The following PARP11 variants were observed in gnomAD, a reference collection of about 807,000 sequenced individuals.
PARP11 encodes the protein protein mono-ADP-ribosyltransferase PARP11.
Under a neutral mutation model 42.9 loss-of-function variants are expected in PARP11, and 31 were observed. That is an observed-to-expected ratio of 0.72 (90% confidence interval 0.54 to 0.98). PARP11 has a LOEUF of 0.98. Ranked by LOEUF, PARP11 falls within the 50% of genes least tolerant of loss-of-function variation. The pLI is 0.00. For missense variants in PARP11, 365 were observed against 413.1 expected (o/e 0.88, Z 1.01); for synonymous variants, 137 against 127.3 (o/e 1.08, Z -0.51).
chr12:3,850,804 T>C (rs886360259), intron 1 of PARP11, among the ~76,000 whole-genome samples: 2 of 152,330 alleles, frequency 1.3e-5, no homozygotes. Context: ...TGGACAGCAA[T>C]GTTAAGTCTG....
intron 1 of PARP11, among the ~76,000 whole-genome samples, chr12:3,867,975 A>T (rs891948394): frequency 1.3e-5 from 2 of 152,230 alleles, no homozygotes; most frequent in Non-Finnish European, 2.9e-5. Context: ...GCCAGCAAAC[A>T]CAAGTTGCAA....
intron 1 of PARP11, chr12:3,872,732 G>A: frequency 2.6e-5 from 26 of 985,298 alleles, no homozygotes; most frequent in Non-Finnish European, 3.1e-5. Flanking sequence ...AGGTAAACCT[G>A]AGGCAAATGA....
intron 7 of PARP11, 70 bp from the exon 8 acceptor site, chr12:3,812,509 T>G: frequency 6.1e-6 from 7 of 1,138,524 alleles, no homozygotes; most frequent in Non-Finnish European, 8.8e-6. Context: ...CAAAAACATT[T>G]TGTCAGGAGA....
chr12:3,837,795 G>A (rs1450415451), intron 1 of PARP11, among the ~76,000 whole-genome samples: 1 of 151,944 alleles, frequency 6.6e-6, no homozygotes, highest in Non-Finnish European at 1.5e-5. Flanking sequence ...GAAGAGCAAA[G>A]AGTAGCTATA....
In PARP11 at chr12:3,873,313, G is replaced by T. The variant is rs1948529723; in HGVS notation, c.-84C>A. On this transcript the variant is annotated 5_prime_UTR_variant, in exon 1 of 8. Transcript: ENST00000228820. ...GTGTTGGATTTTTTTTTTTCCCGCG[G>T]GTCCCCGGGAGCGAAGGGACGGAGA... 5.9e-6 allele frequency: 8 copies of T among 1,350,092 alleles called. No individual in the cohort carries two copies. The highest frequency in any genetic ancestry group is 1.3e-5 in the South Asian group (1 of 79,770). The allele number at this position is 1,350,092 out of a possible 1,614,324, so 83.6% of individuals were successfully genotyped here.
Position 3,840,088 on chromosome 12 carries a change from A to G in PARP11, c.19-10070T>C, listed in dbSNP as rs1475018363. 8.7e-6 allele frequency: 14 copies of G among 1,609,362 alleles called. No individual in the cohort carries two copies. Among genetic ancestry groups the G allele is most frequent in the Non-Finnish European group, 1.2e-5 (14 of 1,175,614 alleles). On this transcript the variant is annotated intron_variant, in intron 1 of 7. Coordinates refer to ENST00000228820, the MANE Select transcript of PARP11 (RefSeq NM_020367.6). This position sits in a 1 kb window ranked among gnomAD's most constrained non-coding sequence, Gnocchi z 4.4. ...AGTCTATAGAAATGTGGAATATGAA[A>G]TTTGGCTGGAGTCTAAACAAGCTCA...
At chr12:3,867,187 A>G (rs1948408373) in intron 1 of PARP11, among the ~76,000 whole-genome samples, 1 of 152,238 alleles carries the variant, frequency 6.6e-6, no homozygotes, top group African/African-American at 2.4e-5. Flanking sequence ...CTGTTATGTT[A>G]CTAAAAGATT....
chr12:3,854,125 C>G (rs533829107), intron 1 of PARP11, among the ~76,000 whole-genome samples: 1 of 152,280 alleles, frequency 6.6e-6, no homozygotes, highest in African/African-American at 2.4e-5. Context: ...CTCTGGGACA[C>G]ATTTAAAGTA....
chr12:3,828,331 G>A lies in PARP11; in HGVS notation c.268+579C>T, dbSNP rs545934276. Among the ~76,000 whole-genome samples, 69 of 152,104 alleles carry A rather than the reference G, an allele frequency of 4.5e-4. 1 individual carries two copies. The highest frequency in any genetic ancestry group is 9.0e-4 in the Non-Finnish European group (61 of 68,014). ...TGGGAGGTGGAGGCGGGTGGATCAG[G>A]AGGTCAGGAGTTCAAGACCAGCCTT... is the stretch of plus-strand genomic sequence containing the variant. On this transcript the variant is annotated intron_variant, in intron 3 of 7. Transcript: ENST00000228820.
At chr12:3,872,488 C>T (rs1402350733) in intron 1 of PARP11, 6 of 983,608 alleles carry the variant, frequency 6.1e-6, no homozygotes, top group Middle Eastern at 5.2e-4. Context: ...TAGACAAAGA[C>T]ACATGAAGTC....
intron 1 of PARP11, among the ~76,000 whole-genome samples, chr12:3,850,550 AG>A (rs1948079213): frequency 6.6e-6 from 1 of 152,202 alleles, no homozygotes; most frequent in South Asian, 2.1e-4. Context: ...ATGTCCACAA[AG>A]GGTAATAAAA....
At chr12:3,839,391 G>A in intron 1 of PARP11, 1 of 1,562,308 alleles carries the variant, frequency 6.4e-7, no homozygotes, top group South Asian at 1.2e-5. Context: ...CCTATCTGCG[G>A]AAACTGGGCT....
intron 6 of PARP11, among the ~76,000 whole-genome samples, chr12:3,818,636 A>T (rs563063167): frequency 3.3e-5 from 5 of 152,368 alleles, no homozygotes; most frequent in African/African-American, 9.6e-5. Context: ...CTTCTTGAAA[A>T]AGTTGTCAAC....
At chr12:3,830,100 CA>C in intron 1 of PARP11, 82 bp from the exon 2 acceptor site, 1 of 1,293,232 alleles carries the variant, frequency 7.7e-7, no homozygotes, top group Middle Eastern at 2.2e-4. Context: ...TACTTCTTTA[CA>C]AAGAGTGGTA....
At chr12:3,841,987 C>A (rs1034420468) in intron 1 of PARP11, 4 of 1,610,478 alleles carry the variant, frequency 2.5e-6, no homozygotes, top group Non-Finnish European at 3.4e-6. Context: ...CCGGACAGAG[C>A]AATCTTCCCA....
At chr12:3,858,060 C>CT (rs1468601814) in intron 1 of PARP11, among the ~76,000 whole-genome samples, 1 of 152,146 alleles carries the variant, frequency 6.6e-6, no homozygotes, top group Non-Finnish European at 1.5e-5. Flanking sequence ...ACAACCTGGC[C>CT]TAAGACTATG....
chr12:3,811,809 G>T lies in PARP11; in HGVS notation c.*314C>A. ...AATCATTTATCCTGATAACACACAC[G>T]TAAACTTTAAAGATCTCAATGACCA... On this transcript the variant is annotated 3_prime_UTR_variant, in exon 8 of 8. Coordinates refer to ENST00000228820, the MANE Select transcript of PARP11 (RefSeq NM_020367.6). 3.8e-6 allele frequency: 1 copy of T among 266,556 alleles called. No individual in the cohort carries two copies. Among genetic ancestry groups the T allele is most frequent in the Non-Finnish European group, 7.0e-6 (1 of 143,808 alleles). The allele number at this position is 266,556 out of a possible 1,614,324, so 16.5% of individuals were successfully genotyped here.
chr12:3,850,136 A>G (rs1948070213), intron 1 of PARP11, among the ~76,000 whole-genome samples: 1 of 152,154 alleles, frequency 6.6e-6, no homozygotes, highest in Non-Finnish European at 1.5e-5. Context: ...GAAGAATCAC[A>G]GTAAATAAGA....
At chr12:3,822,490 T>G in intron 4 of PARP11, among the ~76,000 whole-genome samples, 2 of 146,656 alleles carry the variant, frequency 1.4e-5, no homozygotes, top group Non-Finnish European at 3.0e-5. Flanking sequence ...TCCCAGCTAC[T>G]CGGGAGGCTG....
Sources: allele counts gnomAD v4.1 joint callset (sites outside exome capture counted in the v4.1 genomes callset), GRCh38; gene constraint gnomAD v4.1.1; non-coding constraint Gnocchi (gnomAD v3.1); transcripts MANE v1.5; gene names NCBI Gene and HGNC (gene_info 2026-07-23, HGNC 2026-07-21).